The following KCTD16 variants were observed in gnomAD, a reference collection of about 807,000 sequenced individuals.
KCTD16 encodes potassium channel tetramerization domain containing 16.
A neutral mutation model predicts 33.2 loss-of-function variants in KCTD16; 13 were observed. The ratio of observed to expected loss-of-function variants is 0.39; its 90% CI spans 0.25 to 0.62. The LOEUF is 0.62. Ranked by LOEUF, KCTD16 falls within the 20% of genes least tolerant of loss-of-function variation. The probability of loss-of-function intolerance (pLI) is 0.50; values close to 1 mark genes in which losing one functional copy is unlikely to be tolerated. For missense variants in KCTD16, 441 were observed against 525.1 expected (o/e 0.84, Z 1.57); for synonymous variants, 197 against 195.3 (o/e 1.01, Z -0.07).
In KCTD16 at chr5:144,287,899, G is replaced by A. The variant is rs547800456; in HGVS notation, c.832+80353G>A. Among the ~76,000 whole-genome samples the A allele has an allele frequency of 2.0e-5, 3 of 152,232 alleles. No individual in the cohort carries two copies. The South Asian group carries it at 6.2e-4, about 32-fold the overall frequency. ...TCCCCCTGCCTCGGCCTCTCAAAGT[G>A]TTGGGATTACAGGCATGAGACAATG... On this transcript the variant is annotated intron_variant, in intron 3 of 3. Transcript: ENST00000512467.
At chr5:144,202,078 A>T (rs1285562803) in intron 2 of KCTD16, among the ~76,000 whole-genome samples, 1 of 152,244 alleles carries the variant, frequency 6.6e-6, no homozygotes, top group African/African-American at 2.4e-5. Context: ...TTTACCTAAC[A>T]TACGTCTTGA....
intron 3 of KCTD16, among the ~76,000 whole-genome samples, chr5:144,311,302 A>G (rs1751762391): frequency 6.6e-6 from 1 of 152,216 alleles, no homozygotes; most frequent in Non-Finnish European, 1.5e-5. Context: ...AGTGGAGACA[A>G]TAGTAGTAGT....
At chr5:144,333,585 T>G (rs1210370395) in intron 3 of KCTD16, among the ~76,000 whole-genome samples, 2 of 152,076 alleles carry the variant, frequency 1.3e-5, no homozygotes, top group African/African-American at 4.8e-5. Context: ...TGTGTGTCTT[T>G]CTGTGTATTT....
At chr5:144,463,109 G>A (rs998017250) in intron 3 of KCTD16, among the ~76,000 whole-genome samples, 4 of 152,098 alleles carry the variant, frequency 2.6e-5, no homozygotes, top group African/African-American at 9.7e-5. Flanking sequence ...GAGCCAAGAG[G>A]AGGAGACTTT....
At chr5:144,320,419 G>T (rs1752041071) in intron 3 of KCTD16, among the ~76,000 whole-genome samples, 1 of 152,136 alleles carries the variant, frequency 6.6e-6, no homozygotes, top group Non-Finnish European at 1.5e-5. Flanking sequence ...CAGGTAGCTT[G>T]TCTCTATATT....
chr5:144,457,344 A>G (rs565187611), intron 3 of KCTD16, among the ~76,000 whole-genome samples: 1 of 152,196 alleles, frequency 6.6e-6, no homozygotes, highest in South Asian at 2.1e-4. Context: ...CCCCACGTGA[A>G]TGGGAGGTCA....
intron 2 of KCTD16, among the ~76,000 whole-genome samples, chr5:144,191,111 T>C (rs1039234359): frequency 3.3e-5 from 5 of 152,208 alleles, no homozygotes; most frequent in Admixed American, 2.0e-4. Flanking sequence ...AAATATTTTT[T>C]AATACTGTTG....
chr5:144,404,835 A>G (rs538175629), intron 3 of KCTD16, among the ~76,000 whole-genome samples: 2 of 152,146 alleles, frequency 1.3e-5, no homozygotes, highest in Non-Finnish European at 2.9e-5. Context: ...ACAGGTGAAC[A>G]CAGATTATTT....
intron 3 of KCTD16, among the ~76,000 whole-genome samples, chr5:144,240,868 T>C (rs1170686267): frequency 2.0e-5 from 3 of 152,198 alleles, no homozygotes; most frequent in African/African-American, 7.2e-5. Flanking sequence ...CAGTGCTTCA[T>C]ACCAGGGGTA....
intron 3 of KCTD16, among the ~76,000 whole-genome samples, chr5:144,464,608 T>C (rs1408754188): frequency 6.6e-6 from 1 of 152,204 alleles, no homozygotes; most frequent in Non-Finnish European, 1.5e-5. Context: ...GTAAAGCACT[T>C]ACTATCACAC....
chr5:144,311,453 G>T (rs1334657417), intron 3 of KCTD16, among the ~76,000 whole-genome samples: 4 of 152,120 alleles, frequency 2.6e-5, no homozygotes, highest in African/African-American at 9.7e-5. Context: ...CTTCTAGGAA[G>T]TATGCTGAAA....
At position 144,401,365 on chromosome 5, in the gene KCTD16, T is replaced by C. The variant is rs565621124; in HGVS notation, c.833-72295T>C. Among the ~76,000 whole-genome samples, 34 of 152,322 alleles carry C rather than the reference T, an allele frequency of 2.2e-4. 1 individual carries two copies. The highest frequency in any genetic ancestry group is 7.9e-4 in the African/African-American group (33 of 41,578). On this transcript the variant is annotated intron_variant, in intron 3 of 3. Coordinates refer to ENST00000512467, the MANE Select transcript of KCTD16 (RefSeq NM_020768.4). The stretch of plus-strand genomic sequence containing the variant: ...CTGGAAAGGTGTATCATCTCCTTAA[T>C]TCCAACTGGTGTAGGAGTGTATGTC...
intron 3 of KCTD16, among the ~76,000 whole-genome samples, chr5:144,348,835 GAGA>G (rs1752874774): frequency 6.6e-6 from 1 of 152,120 alleles, no homozygotes; most frequent in African/African-American, 2.4e-5. Flanking sequence ...ATCCTGTTTA[GAGA>G]AGGCCAACCC....
At chr5:144,429,239 A>C (rs1028675497) in intron 3 of KCTD16, among the ~76,000 whole-genome samples, 1 of 152,146 alleles carries the variant, frequency 6.6e-6, no homozygotes, top group Non-Finnish European at 1.5e-5. Context: ...AGTATTTTTC[A>C]GTTGGAAGTG....
chr5:144,440,937 T>C (rs961299533), intron 3 of KCTD16, among the ~76,000 whole-genome samples: 1 of 138,478 alleles, frequency 7.2e-6, no homozygotes, highest in Admixed American at 7.3e-5. Flanking sequence ...CCCCTTCCTG[T>C]GTCCATGTGT....
intron 1 of KCTD16, among the ~76,000 whole-genome samples, chr5:144,172,755 A>G (rs1752418681): frequency 6.6e-6 from 1 of 152,130 alleles, no homozygotes; most frequent in South Asian, 2.1e-4. Context: ...CAGTTGATAA[A>G]CTTTGTGATT....
chr5:144,219,241 C>A (rs1753659157), intron 3 of KCTD16, among the ~76,000 whole-genome samples: 1 of 152,016 alleles, frequency 6.6e-6, no homozygotes, highest in Non-Finnish European at 1.5e-5. Flanking sequence ...GAGATGGAGT[C>A]TGGCTCTTGT....
intron 3 of KCTD16, among the ~76,000 whole-genome samples, chr5:144,417,167 A>G (rs1420539638): frequency 6.6e-6 from 1 of 152,188 alleles, no homozygotes; most frequent in African/African-American, 2.4e-5. Flanking sequence ...CTTTCTGAGG[A>G]ACCACCAAAT....
At chr5:144,375,405 A>C (rs1251098855) in intron 3 of KCTD16, among the ~76,000 whole-genome samples, 1 of 152,200 alleles carries the variant, frequency 6.6e-6, no homozygotes, top group East Asian at 1.9e-4. Flanking sequence ...TATGTGATCT[A>C]GTTCTCATCT....
Sources: gnomAD v4.1 joint callset for allele counts (sites outside exome capture counted in the v4.1 genomes callset) on GRCh38, gnomAD v4.1.1 for gene constraint, MANE v1.5 for transcripts, NCBI Gene and HGNC (gene_info 2026-07-23, HGNC 2026-07-21) for gene names.